Variants in MEIKIN observed in about 807,000 individuals in gnomAD.
The protein encoded by MEIKIN is meiosis-specific kinetochore protein.
rs143391449 is a variant in MEIKIN, at chr5:131,870,490, C to G, written c.774+8488G>C. On this transcript the variant is annotated intron_variant, in intron 9 of 12. Coordinates refer to ENST00000442687, the MANE Select transcript of MEIKIN (RefSeq NM_001303622.2). ...ATAGATACTATTTCCTAGGACATTTCGCCCGTTTCCACGACTTAAAAAAAA... is the reference window on the plus strand; with the variant it reads ...ATAGATACTATTTCCTAGGACATTTGGCCCGTTTCCACGACTTAAAAAAAA... Among the ~76,000 whole-genome samples, 485 of 152,218 alleles carry G rather than the reference C, an allele frequency of 3.2e-3. 3 individuals carry two copies. Among genetic ancestry groups the G allele is most frequent in the African/African-American group, 0.011 (462 of 41,534 alleles).
chr5:131,903,686 CT>C (rs1751196264), intron 8 of MEIKIN, among the ~76,000 whole-genome samples: 1 of 152,136 alleles, frequency 6.6e-6, no homozygotes, highest in Non-Finnish European at 1.5e-5. Context: ...AAAAAACACA[CT>C]TAAGTACATA....
chr5:131,878,847 C>G, intron 9 of MEIKIN, 131 bp downstream of exon 9: 3 of 373,194 alleles, frequency 8.0e-6, no homozygotes, highest in Non-Finnish European at 1.4e-5. Context: ...TGAACTCTAA[C>G]CTGGGTGACA....
chr5:131,824,452 G>A (rs1749574712), intron 11 of MEIKIN, among the ~76,000 whole-genome samples: 1 of 151,996 alleles, frequency 6.6e-6, no homozygotes, highest in Admixed American at 6.6e-5. Context: ...CCCAAGAGTT[G>A]AAGGTTACTG....
chr5:131,866,353 T>C (rs1196414745), intron 9 of MEIKIN, among the ~76,000 whole-genome samples: 3 of 152,206 alleles, frequency 2.0e-5, no homozygotes, highest in Non-Finnish European at 4.4e-5. Context: ...CCTTGGGTAC[T>C]AGGGGAGGTA....
chr5:131,880,355 G>A (rs542460395), intron 8 of MEIKIN, among the ~76,000 whole-genome samples: 117 of 150,246 alleles, frequency 7.8e-4, no homozygotes, highest in South Asian at 4.6e-3. Flanking sequence ...TGCCCGCCTC[G>A]GCCTCTCAAA....
chr5:131,848,241 G>A (rs1196893043), intron 11 of MEIKIN, among the ~76,000 whole-genome samples: 2 of 151,952 alleles, frequency 1.3e-5, no homozygotes, highest in African/African-American at 2.4e-5. Flanking sequence ...ACCAAAATTG[G>A]TTCTTTGAAA....
rs137902338 is a variant in MEIKIN at position 131,909,938 on chromosome 5, G to A, written c.703+1877C>T. On this transcript the variant is annotated intron_variant, in intron 8 of 12. Transcript: ENST00000442687. Reference sequence around the variant, plus strand: ...GGCAATAACATGCCGGTGAGGATGTGGAGAAAAGGGAACCCTCGTATACTG... The same window carrying A: ...GGCAATAACATGCCGGTGAGGATGTAGAGAAAAGGGAACCCTCGTATACTG... Among the ~76,000 whole-genome samples the A allele has an allele frequency of 3.2e-3, 482 of 152,258 alleles. 2 individuals carry two copies. The highest frequency in any genetic ancestry group is 0.011 in the African/African-American group (459 of 41,552).
chr5:131,857,308 C>T (rs958632362), intron 9 of MEIKIN, among the ~76,000 whole-genome samples: 1 of 152,052 alleles, frequency 6.6e-6, no homozygotes, highest in Admixed American at 6.5e-5. Flanking sequence ...AAAAAAATAA[C>T]GTCACACATT....
chr5:131,835,196 G>GTA (rs777217677), intron 11 of MEIKIN, among the ~76,000 whole-genome samples: 43 of 150,184 alleles, frequency 2.9e-4, no homozygotes, highest in African/African-American at 7.2e-4. Context: ...ATATGTGTGT[G>GTA]TGTATATATA....
chr5:131,927,832 T>C (rs1751614780), intron 5 of MEIKIN, among the ~76,000 whole-genome samples: 1 of 152,156 alleles, frequency 6.6e-6, no homozygotes, highest in Non-Finnish European at 1.5e-5. Context: ...TCTCCATTTT[T>C]AGTGTATGTA....
rs1751953620 is a variant in MEIKIN, at chr5:131,945,659, G to C, written c.-154C>G. The C allele has an allele frequency of 2.5e-6, 1 of 394,126 alleles. No homozygotes were observed. The highest frequency in any genetic ancestry group is 4.4e-5 in the Admixed American group (1 of 22,582). 24.4% of individuals were successfully genotyped at this position (394,126 alleles called of 1,614,324 possible). On this transcript the variant is annotated 5_prime_UTR_variant, in exon 1 of 13. Transcript: ENST00000442687. ...TAATCGAGCGAAAGCAAAAGCCCCAGAACTGGAGCCGCCGGGCCTCGCTCC... is the reference window on the plus strand; with the variant it reads ...TAATCGAGCGAAAGCAAAAGCCCCACAACTGGAGCCGCCGGGCCTCGCTCC...
At chr5:131,831,097 C>T (rs1461916509) in intron 11 of MEIKIN, among the ~76,000 whole-genome samples, 1 of 152,196 alleles carries the variant, frequency 6.6e-6, no homozygotes, top group African/African-American at 2.4e-5. Context: ...AAGGTTTCGC[C>T]ATATTGGCCA....
At chr5:131,810,353 T>C (rs562886192) in intron 12 of MEIKIN, among the ~76,000 whole-genome samples, 5 of 152,226 alleles carry the variant, frequency 3.3e-5, no homozygotes, top group Non-Finnish European at 7.3e-5. Context: ...AAATTTACTA[T>C]AAGGATAGCT....
At chr5:131,873,156 T>A (rs936867115) in intron 9 of MEIKIN, among the ~76,000 whole-genome samples, 3 of 152,108 alleles carry the variant, frequency 2.0e-5, no homozygotes, top group Admixed American at 6.6e-5. Flanking sequence ...CAATATTAAC[T>A]TTGAATGTAA....
intron 6 of MEIKIN, among the ~76,000 whole-genome samples, chr5:131,918,797 T>C (rs981969768): frequency 6.6e-6 from 1 of 152,210 alleles, no homozygotes; most frequent in Non-Finnish European, 1.5e-5. Flanking sequence ...GGGCTACTCC[T>C]GCCCTATCTC....
intron 9 of MEIKIN, among the ~76,000 whole-genome samples, chr5:131,857,738 C>T (rs998968915): frequency 1.3e-5 from 2 of 152,212 alleles, no homozygotes; most frequent in African/African-American, 4.8e-5. Flanking sequence ...ATGCACTCGC[C>T]CAAGGTCCTC....
chr5:131,823,704 A>G (rs1749561341), intron 11 of MEIKIN, among the ~76,000 whole-genome samples: 1 of 152,004 alleles, frequency 6.6e-6, no homozygotes, highest in African/African-American at 2.4e-5. Context: ...CCTTATTTAG[A>G]TCTGGTGGGG....
chr5:131,938,433 G>A (rs1035231500), intron 4 of MEIKIN, among the ~76,000 whole-genome samples: 9 of 152,076 alleles, frequency 5.9e-5, no homozygotes, highest in Admixed American at 4.6e-4. Flanking sequence ...CTCCCAAAGT[G>A]CTAGGATTAC....
At chr5:131,830,561 T>C (rs1256459128) in intron 11 of MEIKIN, among the ~76,000 whole-genome samples, 1 of 152,250 alleles carries the variant, frequency 6.6e-6, no homozygotes, top group Non-Finnish European at 1.5e-5. Context: ...AAGATTCTCA[T>C]CGTCCTTTTG....
Sources: allele counts gnomAD v4.1 joint callset (sites outside exome capture counted in the v4.1 genomes callset), GRCh38; gene constraint gnomAD v4.1.1; transcripts MANE v1.5; gene names NCBI Gene and HGNC (gene_info 2026-07-23, HGNC 2026-07-21).